The following DGKB variants were observed in gnomAD, a reference collection of about 807,000 sequenced individuals.
DGKB encodes the protein diacylglycerol kinase beta.
A neutral mutation model predicts 114.3 loss-of-function variants in DGKB; 67 were observed. That is an observed-to-expected ratio of 0.59 (90% CI 0.48 to 0.72). The LOEUF (loss-of-function observed/expected upper bound fraction) is 0.72. DGKB is among the 30% of genes least tolerant of loss of function. The pLI is 0.00. For missense variants in DGKB, 907 were observed against 975.2 expected, an observed-to-expected ratio of 0.93 and a Z score of 0.93; for synonymous variants, 398 against 323.1, an observed-to-expected ratio of 1.23 and a Z score of -2.49.
intron 23 of DGKB, among the ~76,000 whole-genome samples, chr7:14,288,532 A>G (rs1372760866): frequency 1.3e-5 from 2 of 152,074 alleles, no homozygotes; most frequent in Admixed American, 6.6e-5. Context: ...TCCCAGGAAT[A>G]AAGTGCTTCT....
intron 20 of DGKB, among the ~76,000 whole-genome samples, chr7:14,492,190 T>A (rs1784688839): frequency 6.6e-6 from 1 of 152,124 alleles, no homozygotes; most frequent in African/African-American, 2.4e-5. Context: ...TAATCTTTGC[T>A]TTTATTACCC....
At chr7:14,352,250 T>C (rs1813594642) in intron 21 of DGKB, among the ~76,000 whole-genome samples, 1 of 152,172 alleles carries the variant, frequency 6.6e-6, no homozygotes, top group African/African-American at 2.4e-5. Context: ...AAAGAAACTT[T>C]TTTTATATGT....
chr7:14,313,260 C>G (rs6461083), intron 23 of DGKB, among the ~76,000 whole-genome samples: 132,695 of 152,122 alleles, frequency 0.87, 58,222 homozygotes, highest in African/African-American at 0.97. Flanking sequence ...CAACATATTG[C>G]GGGGAGGAGC....
intron 23 of DGKB, among the ~76,000 whole-genome samples, chr7:14,216,422 G>A (rs1024366416): frequency 2.6e-5 from 4 of 152,082 alleles, no homozygotes; most frequent in African/African-American, 9.6e-5. Flanking sequence ...ATAAAAAGGT[G>A]ACTATGAAAA....
intron 2 of DGKB, among the ~76,000 whole-genome samples, chr7:14,771,454 A>T (rs752273740): frequency 4.3e-4 from 65 of 152,186 alleles, no homozygotes; most frequent in Non-Finnish European, 7.8e-4. Context: ...GTGATGTAGT[A>T]TCTAAAGGGG....
intron 23 of DGKB, among the ~76,000 whole-genome samples, chr7:14,284,432 C>T (rs1477518537): frequency 6.9e-6 from 1 of 144,854 alleles, no homozygotes; most frequent in African/African-American, 2.9e-5. Context: ...ACTAGTTCAA[C>T]CACTGTGGAA....
chr7:14,584,433 A>T (rs531419629), intron 17 of DGKB, among the ~76,000 whole-genome samples: 1 of 152,278 alleles, frequency 6.6e-6, no homozygotes, highest in East Asian at 1.9e-4. Flanking sequence ...ATATGCAAGG[A>T]TTCATTTCCT....
chr7:14,502,646 G>C (rs538388270), intron 20 of DGKB, among the ~76,000 whole-genome samples: 1 of 152,168 alleles, frequency 6.6e-6, no homozygotes, highest in Admixed American at 6.6e-5. Context: ...TAGAAATATA[G>C]AGATCGCAAA....
In DGKB at chr7:14,149,024, A is replaced by G. The variant is rs977336604; in HGVS notation, c.*107T>C. The G allele has an allele frequency of 9.2e-6, 9 of 976,672 alleles. No individual in the cohort carries two copies. Among genetic ancestry groups the G allele is most frequent in the East Asian group, 2.4e-5 (1 of 41,122 alleles). The allele number at this position is 976,672 out of a possible 1,614,324, so 60.5% of individuals were successfully genotyped here. ...TAACAAAAACTGTTAAACCACTTCC[A>G]TGATTTTGCATGAGCAGGAGACTTG... On this transcript the variant is annotated 3_prime_UTR_variant, in exon 26 of 26. Coordinates refer to ENST00000402815, the MANE Select transcript of DGKB (RefSeq NM_001350709.2).
intron 15 of DGKB, 145 bp from the exon 16 acceptor site, chr7:14,613,558 A>AGTGT: frequency 1.8e-6 from 1 of 545,822 alleles, no homozygotes; most frequent in South Asian, 2.7e-5. Context: ...TGTGTGTGTG[A>AGTGT]GTGTGTGCGT....
chr7:14,328,301 G>A (rs546148840), intron 23 of DGKB, among the ~76,000 whole-genome samples: 8 of 151,998 alleles, frequency 5.3e-5, no homozygotes, highest in South Asian at 2.1e-4. Context: ...AATGTTCTTC[G>A]TTATTCAATA....
intron 2 of DGKB, among the ~76,000 whole-genome samples, chr7:14,812,083 C>T (rs961601889): frequency 1.3e-5 from 2 of 152,108 alleles, no homozygotes; most frequent in African/African-American, 4.8e-5. Context: ...AGCATAAGGT[C>T]ATCAAGCTTC....
chr7:14,535,045 G>C (rs180753252), intron 20 of DGKB, among the ~76,000 whole-genome samples: 64 of 152,088 alleles, frequency 4.2e-4, no homozygotes, highest in African/African-American at 1.5e-3. Flanking sequence ...AGTATGAAGA[G>C]GGAAGTTTAT....
chr7:14,433,875 C>T (rs1272849815), intron 21 of DGKB, among the ~76,000 whole-genome samples: 3 of 152,138 alleles, frequency 2.0e-5, no homozygotes, highest in African/African-American at 4.8e-5. Context: ...GTCTTATATA[C>T]ACCTTACACT....
At chr7:14,341,293 G>A (rs1811563360) in intron 22 of DGKB, among the ~76,000 whole-genome samples, 1 of 151,704 alleles carries the variant, frequency 6.6e-6, no homozygotes, top group Admixed American at 6.6e-5. Flanking sequence ...TTGCTTTAAC[G>A]TTATGTTCAT....
intron 21 of DGKB, among the ~76,000 whole-genome samples, chr7:14,453,113 C>T (rs1831771292): frequency 1.3e-5 from 2 of 152,118 alleles, no homozygotes; most frequent in Non-Finnish European, 2.9e-5. Flanking sequence ...GATGCATTAA[C>T]TCATTTACTC....
At chr7:14,177,212 T>G (rs1781888030) in intron 24 of DGKB, among the ~76,000 whole-genome samples, 1 of 152,060 alleles carries the variant, frequency 6.6e-6, no homozygotes, top group African/African-American at 2.4e-5. Context: ...GATTCCTTGT[T>G]TTTATAACCC....
At chr7:14,354,814 C>T (rs1435621476) in intron 21 of DGKB, among the ~76,000 whole-genome samples, 4 of 152,120 alleles carry the variant, frequency 2.6e-5, no homozygotes, top group Non-Finnish European at 5.9e-5. Context: ...AAGGAATTAT[C>T]ATCACCTCCC....
Position 14,767,984 on chromosome 7 carries a change from A to G in DGKB, c.71-10253T>C, listed in dbSNP as rs1346727946. On this transcript the variant is annotated intron_variant, in intron 2 of 25. Coordinates refer to ENST00000402815, the MANE Select transcript of DGKB (RefSeq NM_001350709.2). ...ACAATACAAAATCATTAAAGTTGACAATTAGTTTCTGAACATAAAAAGATT... is the reference window on the plus strand; with the variant it reads ...ACAATACAAAATCATTAAAGTTGACGATTAGTTTCTGAACATAAAAAGATT... Among the ~76,000 whole-genome samples, 8 of 152,110 alleles carry G rather than the reference A, an allele frequency of 5.3e-5. No individual in the cohort carries two copies. In the East Asian group the frequency reaches 1.5e-3, roughly 29 times the overall value.
Sources: allele counts gnomAD v4.1 joint callset (sites outside exome capture counted in the v4.1 genomes callset), GRCh38; gene constraint gnomAD v4.1.1; transcripts MANE v1.5; gene names NCBI Gene and HGNC (gene_info 2026-07-23, HGNC 2026-07-21).